The following PRKCH variants were observed in gnomAD, a reference collection of about 807,000 sequenced individuals.
PRKCH encodes protein kinase C eta.
PRKCH carries 28 observed loss-of-function variants against 82.5 expected under a neutral mutation model. The observed-to-expected ratio is 0.34, with a 90% CI of 0.25 to 0.47. The LOEUF is 0.47. Among genes scored for constraint, PRKCH ranks in the 20% least tolerant of loss-of-function variants. PRKCH has a pLI of 1.00. For synonymous variants in PRKCH, 322 were observed against 327.4 expected (o/e 0.98, Z 0.18); for missense variants, 705 against 881.8 (o/e 0.80, Z 2.54).
chr14:61,413,926 T>C (rs954963195), intron 2 of PRKCH, among the ~76,000 whole-genome samples: 5 of 152,074 alleles, frequency 3.3e-5, no homozygotes, highest in African/African-American at 1.2e-4. Context: ...CCCCATCTTA[T>C]TGGACATCTC....
intron 10 of PRKCH, among the ~76,000 whole-genome samples, chr14:61,497,577 A>G (rs769854378): frequency 6.6e-6 from 1 of 152,220 alleles, no homozygotes; most frequent in Non-Finnish European, 1.5e-5. Context: ...TCAATACTCC[A>G]AATACTATAT....
intron 10 of PRKCH, among the ~76,000 whole-genome samples, chr14:61,516,582 G>A (rs1212971460): frequency 6.6e-6 from 1 of 152,152 alleles, no homozygotes. Flanking sequence ...GGAAAACTGG[G>A]CCCTTTGGTT....
intron 2 of PRKCH, among the ~76,000 whole-genome samples, chr14:61,429,733 G>C (rs960464019): frequency 2.4e-4 from 37 of 152,158 alleles, no homozygotes; most frequent in African/African-American, 8.4e-4. Context: ...ATTGTAAATA[G>C]AGAGGAAGCA....
chr14:61,529,162 T>C lies in PRKCH; in HGVS notation c.1521T>C (p.Asn507=). Residue 507 remains asparagine (N), a synonymous_variant, in exon 11 of 14, where the codon AAT becomes AAC. Coordinates refer to ENST00000332981, the MANE Select transcript of PRKCH (RefSeq NM_006255.5). ...DFGMCKEGIC[N]GVTTATFCGT... ...GAATGTGCAAGGAGGGGATTTGCAA[T>C]GGTGTCACCACGGCCACATTCTGTG... 6.2e-7 allele frequency: 1 copy of C among 1,613,986 alleles called. No homozygotes were observed. The highest frequency in any genetic ancestry group is 1.7e-4 in the Middle Eastern group (1 of 6,060).
rs1452298482 is a variant in PRKCH, at chr14:61,197,659, G to T, written c.-19+9991G>T. On this transcript the variant is annotated intron_variant, in intron 1 of 3. Transcript: ENST00000555185. Reference sequence around the variant, plus strand: ...GAATTAATCCATTCATGAGAGCAGAGCCCTCATGACCGTATCATCTCTTAA... The same window carrying T: ...GAATTAATCCATTCATGAGAGCAGATCCCTCATGACCGTATCATCTCTTAA... Among the ~76,000 whole-genome samples the T allele has an allele frequency of 3.9e-5, 6 of 152,204 alleles. No individual in the cohort carries two copies. In the East Asian group the frequency reaches 7.7e-4, roughly 20 times the overall value.
intron 2 of PRKCH, among the ~76,000 whole-genome samples, chr14:61,413,124 T>C (rs898469643): frequency 1.3e-5 from 2 of 152,164 alleles, no homozygotes; most frequent in African/African-American, 4.8e-5. Flanking sequence ...CCAACTATCT[T>C]GACAAACGTT....
At chr14:61,342,014 C>T (rs2045935180) in intron 1 of PRKCH, among the ~76,000 whole-genome samples, 1 of 151,912 alleles carries the variant, frequency 6.6e-6, no homozygotes, top group Non-Finnish European at 1.5e-5. Context: ...TCCTCCTCCC[C>T]CTGAAGGTGG....
intron 1 of PRKCH, among the ~76,000 whole-genome samples, chr14:61,294,792 C>CA (rs1390663210): frequency 6.6e-6 from 1 of 151,428 alleles, no homozygotes; most frequent in South Asian, 2.1e-4. Flanking sequence ...GCACCCCCCG[C>CA]AAAAAAAATA....
chr14:61,267,506 C>T (rs2045114231), intron 1 of PRKCH, among the ~76,000 whole-genome samples: 2 of 152,258 alleles, frequency 1.3e-5, no homozygotes, highest in Non-Finnish European at 2.9e-5. Flanking sequence ...TTCTTGTGAT[C>T]CTGAAGGTTG....
intron 1 of PRKCH, among the ~76,000 whole-genome samples, chr14:61,209,310 T>TA (rs6145367): frequency 1.7e-4 from 16 of 92,842 alleles, no homozygotes; most frequent in African/African-American, 2.8e-4. Flanking sequence ...TGCCTTTATT[T>TA]AAAAAAAAAA....
chr14:61,360,579 T>C (rs547618173), intron 1 of PRKCH, among the ~76,000 whole-genome samples: 2 of 152,324 alleles, frequency 1.3e-5, no homozygotes, highest in African/African-American at 4.8e-5. Flanking sequence ...TTTACATTTC[T>C]TAAAGCCATG....
intron 13 of PRKCH, among the ~76,000 whole-genome samples, chr14:61,548,826 C>A (rs577346520): frequency 6.9e-6 from 1 of 144,706 alleles, no homozygotes; most frequent in Non-Finnish European, 1.5e-5. Context: ...TTGCGTCATG[C>A]GCTCCAGCCT....
intron 1 of PRKCH, among the ~76,000 whole-genome samples, chr14:61,358,248 AT>A (rs1172336960): frequency 3.3e-5 from 5 of 152,166 alleles, no homozygotes; most frequent in African/African-American, 1.2e-4. Flanking sequence ...ATTGTAATGC[AT>A]TTGTACAGTG....
At chr14:61,230,847 G>A (rs1172032970) in intron 1 of PRKCH, among the ~76,000 whole-genome samples, 1 of 152,190 alleles carries the variant, frequency 6.6e-6, no homozygotes, top group African/African-American at 2.4e-5. Flanking sequence ...CTACAGTCTT[G>A]TTAAAATAGT....
intron 1 of PRKCH, among the ~76,000 whole-genome samples, chr14:61,234,936 T>G (rs755945586): frequency 3.3e-5 from 5 of 152,228 alleles, no homozygotes; most frequent in Non-Finnish European, 7.3e-5. Context: ...CAGTTTTTAT[T>G]GGCATTTTGT....
chr14:61,353,895 C>T (rs745964186), intron 1 of PRKCH: 4 of 152,126 alleles, frequency 2.6e-5, no homozygotes, highest in African/African-American at 7.2e-5. Context: ...TATGATTGCA[C>T]CGCTACACTC....
chr14:61,281,595 C>G (rs1020341458), intron 1 of PRKCH: 2 of 168,158 alleles, frequency 1.2e-5, no homozygotes, highest in African/African-American at 4.8e-5. Flanking sequence ...TTCCAAGTGA[C>G]TAGAGTTCCT....
Position 61,550,115 on chromosome 14 carries a change from C to A in PRKCH, c.*284C>A. Reference sequence around the variant, plus strand: ...GTGGGCTTGGGATGTTAACAGGAGCCAAAAGGAGGGAAAGTGTGAAGAATA... The same window carrying A: ...GTGGGCTTGGGATGTTAACAGGAGCAAAAAGGAGGGAAAGTGTGAAGAATA... On this transcript the variant is annotated 3_prime_UTR_variant, in exon 14 of 14. Coordinates refer to ENST00000332981, the MANE Select transcript of PRKCH (RefSeq NM_006255.5). The A allele has an allele frequency of 6.9e-6, 2 of 290,856 alleles. No homozygotes were observed. Among genetic ancestry groups the A allele is most frequent in the Non-Finnish European group, 1.3e-5 (2 of 155,900 alleles). 18.0% of individuals were successfully genotyped at this position (290,856 alleles called of 1,614,324 possible).
chr14:61,367,271 A>G (rs1365695497), intron 1 of PRKCH, among the ~76,000 whole-genome samples: 1 of 151,976 alleles, frequency 6.6e-6, no homozygotes, highest in Non-Finnish European at 1.5e-5. Context: ...AACCCAATCT[A>G]AATGCCTGAC....
Sources: allele counts gnomAD v4.1 joint callset (sites outside exome capture counted in the v4.1 genomes callset), GRCh38; gene constraint gnomAD v4.1.1; transcripts MANE v1.5; gene names NCBI Gene and HGNC (gene_info 2026-07-23, HGNC 2026-07-21).